Variants in EXOC3L4 observed in about 807,000 individuals in gnomAD.
EXOC3L4 encodes exocyst complex component 3 like 4.
A neutral mutation model predicts 69.7 loss-of-function variants in EXOC3L4; 62 were observed. The observed-to-expected ratio is 0.89, with a 90% CI of 0.72 to 1.10. EXOC3L4 has a LOEUF of 1.10. Among genes scored for constraint, EXOC3L4 ranks in the 50% least tolerant of loss-of-function variants. The probability of loss-of-function intolerance (pLI) is 0.00; values close to 1 mark genes in which losing one functional copy is unlikely to be tolerated. For missense variants in EXOC3L4, 1,087 were observed against 1,034.8 expected, an observed-to-expected ratio of 1.05 and a Z score of -0.69; for synonymous variants, 502 against 464.2, an observed-to-expected ratio of 1.08 and a Z score of -1.05.
intron 1 of EXOC3L4, among the ~76,000 whole-genome samples, chr14:103,095,529 C>T (rs913176372): frequency 1.3e-5 from 2 of 152,132 alleles, no homozygotes; most frequent in African/African-American, 4.8e-5. Flanking sequence ...AGAGGATGGC[C>T]TGTGCAAAGG....
At chr14:103,104,864 G>A in intron 6 of EXOC3L4, 26 bp downstream of exon 6, 1 of 1,517,174 alleles carries the variant, frequency 6.6e-7, no homozygotes, top group African/African-American at 1.4e-5. Context: ...CAGTAGGGGA[G>A]CGACCTGGCC....
At chr14:103,108,642 GCCTTGGAC>G in intron 11 of EXOC3L4, 125 bp downstream of exon 11, 1 of 1,338,774 alleles carries the variant, frequency 7.5e-7, no homozygotes, top group African/African-American at 1.5e-5. Context: ...CAGGAGGTAG[GCCTTGGAC>G]CCTCAGACCC....
rs1022104758 is a variant in EXOC3L4, at chr14:103,110,347, T to C, written c.*124T>C. 3 of 1,208,684 alleles carry C rather than the reference T, an allele frequency of 2.5e-6. No individual in the cohort carries two copies. The highest frequency in any genetic ancestry group is 3.0e-5 in the African/African-American group (2 of 66,450). 74.9% of individuals were successfully genotyped at this position (1,208,684 alleles called of 1,614,324 possible). On this transcript the variant is annotated 3_prime_UTR_variant, in exon 12 of 12. Coordinates refer to ENST00000688303, the MANE Select transcript of EXOC3L4 (RefSeq NM_001077594.2). The stretch of plus-strand genomic sequence containing the variant: ...CTCTGACACTGCAGTTAGGGAATTT[T>C]TGTCGTCAGCAGCCAAGCGCAGCTG...
In EXOC3L4 at chr14:103,110,397, A is replaced by G; in HGVS notation, c.*174A>G. 1.3e-6 allele frequency: 1 copy of G among 793,988 alleles called. No individual in the cohort carries two copies. Among genetic ancestry groups the G allele is most frequent in the Non-Finnish European group, 2.1e-6 (1 of 472,158 alleles). 49.2% of individuals were successfully genotyped at this position (793,988 alleles called of 1,614,324 possible). On this transcript the variant is annotated 3_prime_UTR_variant, in exon 12 of 12. Coordinates refer to ENST00000688303, the MANE Select transcript of EXOC3L4 (RefSeq NM_001077594.2). ...GTCAGGCCAGAAGGAGCAGCCGTGC[A>G]GGAGGCATTTCAGGCATCGTTGAGG...
chr14:103,107,923 C>T (rs1890663835), intron 10 of EXOC3L4, 140 bp downstream of exon 10: 3 of 1,232,830 alleles, frequency 2.4e-6, no homozygotes, highest in African/African-American at 1.5e-5. Context: ...ACTGGGGCGC[C>T]TGTGGGGCTG....
Position 103,102,433 on chromosome 14 carries a change from C to T in EXOC3L4, c.710C>T (p.Thr237Met), listed in dbSNP as rs1475124536. 3 of 1,514,386 alleles carry T rather than the reference C, an allele frequency of 2.0e-6. No individual in the cohort carries two copies. The highest frequency in any genetic ancestry group is 1.2e-5 in the South Asian group (1 of 81,190). The allele number at this position is 1,514,386 out of a possible 1,614,324, so 93.8% of individuals were successfully genotyped here. ...CCCGACGACGGCGACTTCCTGCGCA[C>T]GCCGCGCCGCTGGCGCCAGCACTGG... ...SPPDDGDFLR[T>M]PRRWRQHWEE... Residue 237 changes from threonine to methionine, a missense_variant, in exon 3 of 12, where the codon ACG becomes ATG. Coordinates refer to ENST00000688303, the MANE Select transcript of EXOC3L4 (RefSeq NM_001077594.2).
upstream of EXOC3L4, among the ~76,000 whole-genome samples, chr14:103,094,495 C>T (rs146754013): frequency 3.0e-3 from 462 of 152,308 alleles, 2 homozygotes; most frequent in African/African-American, 0.011. Context: ...CCTGCTGCCT[C>T]GAGACCCTGA....
In EXOC3L4 at chr14:103,097,116, G is replaced by A. The variant is rs1475921024; in HGVS notation, c.-17+2276G>A. On this transcript the variant is annotated intron_variant, in intron 1 of 11. Coordinates refer to ENST00000688303, the MANE Select transcript of EXOC3L4 (RefSeq NM_001077594.2). The surrounding 1 kb of genome is among the most constrained non-coding windows in gnomAD (Gnocchi z 4.9). ...AAGGTCTAGGGGAAAGCGGGGAGTA[G>A]AAGCTGAGGCTGGGGGTAGGGAGGG... is the stretch of plus-strand genomic sequence containing the variant. Among the ~76,000 whole-genome samples the A allele has an allele frequency of 7.4e-6, 1 of 135,246 alleles. No homozygotes were observed. The highest frequency in any genetic ancestry group is 1.6e-5 in the Non-Finnish European group (1 of 63,312). The allele number at this position is 135,246 out of a possible 152,430, so 88.7% of individuals were successfully genotyped here. A position where few individuals can be genotyped will look rare whatever the true frequency, so the allele number is the denominator to read the frequency against.
intron 5 of EXOC3L4, 128 bp from the exon 6 acceptor site, chr14:103,104,610 G>A: frequency 8.1e-7 from 1 of 1,237,402 alleles, no homozygotes; most frequent in Non-Finnish European, 1.1e-6. Flanking sequence ...TTGGGCGGCT[G>A]AAAGCTGGAG....
Position 103,101,879 on chromosome 14 carries a change from A to G in EXOC3L4, c.395-239A>G, listed in dbSNP as rs577260437. 3.3e-5 allele frequency among the ~76,000 whole-genome samples: 5 copies of G among 152,344 alleles called. No homozygotes were observed. The East Asian group carries it at 9.7e-4, about 29-fold the overall frequency. On this transcript the variant is annotated intron_variant, in intron 2 of 11. Coordinates refer to ENST00000688303, the MANE Select transcript of EXOC3L4 (RefSeq NM_001077594.2). ...CAGGCGGAAGGTAGGGGTTGACCCA[A>G]ATTGCTCTGTTCAGCCAGGCTTGGG...
chr14:103,102,563 C>T lies in EXOC3L4; in HGVS notation c.840C>T (p.Ala280=). ...EGASGLAQLL[A]ELGGLVRRDL... is the part of the protein sequence containing the mutation. ...CGTCGGGTTTGGCCCAGCTTCTGGCCGAGCTGGGTGGCTTGGTTCGCCGCG... is the reference window on the plus strand; with the variant it reads ...CGTCGGGTTTGGCCCAGCTTCTGGCTGAGCTGGGTGGCTTGGTTCGCCGCG... The change falls in exon 3 of 12, where the codon GCC becomes GCT. Residue 280 remains alanine (A), a synonymous_variant. Transcript: ENST00000688303. 1 of 1,443,356 alleles carries T rather than the reference C, an allele frequency of 6.9e-7. No homozygotes were observed. The allele number at this position is 1,443,356 out of a possible 1,614,324, so 89.4% of individuals were successfully genotyped here.
intron 1 of EXOC3L4, chr14:103,098,821 C>G (rs1465711650): frequency 6.6e-6 from 1 of 152,174 alleles, no homozygotes; most frequent in African/African-American, 2.4e-5. Flanking sequence ...GACCTGTGGC[C>G]AGGGCGGGGC....
intron 1 of EXOC3L4, among the ~76,000 whole-genome samples, chr14:103,098,311 T>C (rs1889989879): frequency 6.6e-6 from 1 of 152,084 alleles, no homozygotes. Context: ...GGAGGGGAGC[T>C]TCTGGGCGGC....
At chr14:103,094,553 C>G (rs767637026), upstream of EXOC3L4, among the ~76,000 whole-genome samples, 34 of 151,640 alleles carry the variant, frequency 2.2e-4, no homozygotes, top group Non-Finnish European at 4.9e-4. Context: ...GACCCTTGGA[C>G]TGAGCCCTGA....
In EXOC3L4 at chr14:103,105,060, G is replaced by A. The variant is rs1318254684; in HGVS notation, c.1454G>A (p.Cys485Tyr). The change falls in exon 7 of 12, where the codon TGC (cysteine) becomes TAC (tyrosine). Residue 485 changes from cysteine to tyrosine, a missense_variant. Cys to Tyr is a radical substitution (Grantham distance 194). Coordinates refer to ENST00000688303, the MANE Select transcript of EXOC3L4 (RefSeq NM_001077594.2). ...EPHLGAYINA[C>Y]EELRTSLLSR... ...CACCTGGGCGCCTACATCAACGCCT[G>A]CGAGGAGCTCAGGTAGGGCTCGCCC... The A allele has an allele frequency of 6.2e-7, 1 of 1,611,248 alleles. No homozygotes were observed. The highest frequency in any genetic ancestry group is 1.1e-5 in the South Asian group (1 of 90,964).
At chr14:103,101,485 C>A (rs190661588) in intron 2 of EXOC3L4, among the ~76,000 whole-genome samples, 2 of 152,160 alleles carry the variant, frequency 1.3e-5, no homozygotes, top group Non-Finnish European at 2.9e-5. Context: ...GGGACCTGAA[C>A]CCAGATATGC....
intron 11 of EXOC3L4, among the ~76,000 whole-genome samples, 176 bp from the exon 12 acceptor site, chr14:103,109,855 G>A (rs914867962): frequency 4.7e-5 from 7 of 148,978 alleles, no homozygotes; most frequent in African/African-American, 1.2e-4. Flanking sequence ...CCAGGCCCAC[G>A]CCCTGCCCCC....
rs549586706 is a variant in EXOC3L4 at position 103,102,436 on chromosome 14, C to G, written c.713C>G (p.Pro238Arg). The G allele has an allele frequency of 1.7e-5, 26 of 1,512,550 alleles. No homozygotes were observed. The Admixed American group carries it at 4.8e-4, about 28-fold the overall frequency. 93.7% of individuals were successfully genotyped at this position (1,512,550 alleles called of 1,614,324 possible). A position where few individuals can be genotyped will look rare whatever the true frequency, so the allele number is the denominator to read the frequency against. Residue 238 changes from proline to arginine, a missense_variant, in exon 3 of 12, where the codon CCG becomes CGG. By Grantham distance (103) the Pro-to-Arg change is moderately radical (BLOSUM62 -2). Coordinates refer to ENST00000688303, the MANE Select transcript of EXOC3L4 (RefSeq NM_001077594.2). ...GACGACGGCGACTTCCTGCGCACGC[C>G]GCGCCGCTGGCGCCAGCACTGGGAG... ...PPDDGDFLRT[P>R]RRWRQHWEEA...
intron 6 of EXOC3L4, 62 bp downstream of exon 6, chr14:103,104,900 G>A: frequency 6.4e-7 from 1 of 1,552,112 alleles, no homozygotes; most frequent in Non-Finnish European, 8.8e-7. Context: ...GTGGGAGGGA[G>A]GAGTCTGCGT....
Sources: gnomAD v4.1 joint callset for allele counts (sites outside exome capture counted in the v4.1 genomes callset) on GRCh38, gnomAD v4.1.1 for gene constraint, Gnocchi (gnomAD v3.1) non-coding constraint, MANE v1.5 for transcripts, NCBI Gene and HGNC (gene_info 2026-07-23, HGNC 2026-07-21) for gene names.